Variants in TAF3 observed in about 807,000 individuals in gnomAD.
The protein encoded by TAF3 is TATA-box binding protein associated factor 3, also known as transcription initiation factor TFIID subunit 3.
In TAF3, 7 loss-of-function variants were observed where a neutral mutation model predicts 80.6. That is an observed-to-expected ratio of 0.09 (90% CI 0.05 to 0.16). The LOEUF is 0.16. Among genes scored for constraint, TAF3 ranks in the 10% least tolerant of loss-of-function variants. TAF3 has a pLI of 1.00. For synonymous variants in TAF3, 444 were observed against 446.1 expected, an observed-to-expected ratio of 1.00 and a Z score of 0.06; for missense variants, 921 against 1,140.2, an observed-to-expected ratio of 0.81 and a Z score of 2.77.
chr10:7,975,103 A>C (rs1831659125), intron 3 of TAF3: 1 of 298,666 alleles, frequency 3.3e-6, no homozygotes, highest in South Asian at 2.9e-5. Context: ...GAGTGAGATG[A>C]AAATAATTCG....
At chr10:7,945,938 C>T (rs185272752) in intron 2 of TAF3, among the ~76,000 whole-genome samples, 34 of 152,256 alleles carry the variant, frequency 2.2e-4, no homozygotes, top group Admixed American at 1.6e-3. Context: ...TGTTAACCTC[C>T]GCATTGCCAG....
intron 2 of TAF3, among the ~76,000 whole-genome samples, chr10:7,861,665 C>T (rs1019171929): frequency 9.9e-5 from 15 of 152,022 alleles, no homozygotes; most frequent in East Asian, 3.9e-4. Flanking sequence ...AGAAGTCAGA[C>T]GTCATTTGTC....
At chr10:7,946,002 C>G (rs1037287623) in intron 2 of TAF3, among the ~76,000 whole-genome samples, 2 of 152,196 alleles carry the variant, frequency 1.3e-5, no homozygotes, top group Non-Finnish European at 2.9e-5. Flanking sequence ...ATGAGATTGC[C>G]TTGACCTTGT....
At chr10:7,983,576 C>G (rs973408277) in intron 4 of TAF3, among the ~76,000 whole-genome samples, 8 of 152,106 alleles carry the variant, frequency 5.3e-5, no homozygotes, top group African/African-American at 1.9e-4. Flanking sequence ...AAAACAACAA[C>G]AACAACACAA....
chr10:7,823,875 C>T (rs992419251), intron 1 of TAF3, among the ~76,000 whole-genome samples: 1 of 151,596 alleles, frequency 6.6e-6, no homozygotes, highest in Admixed American at 6.6e-5. Flanking sequence ...CCTTGTGATC[C>T]GCCCACCTCG....
chr10:7,958,954 A>G lies in TAF3; in HGVS notation c.410-4966A>G, dbSNP rs367879499. The stretch of plus-strand genomic sequence containing the variant: ...TCGAGACCATCCTGGCTAACATGGT[A>G]AAACCCCGTCTCTACTAAAAATACA... On this transcript the variant is annotated intron_variant, in intron 2 of 6. Coordinates refer to ENST00000344293, the MANE Select transcript of TAF3 (RefSeq NM_031923.4). 7.9e-5 allele frequency among the ~76,000 whole-genome samples: 12 copies of G among 152,218 alleles called. No homozygotes were observed. The East Asian group carries it at 1.5e-3, about 20-fold the overall frequency.
intron 2 of TAF3, among the ~76,000 whole-genome samples, chr10:7,850,007 T>C (rs1194659511): frequency 6.6e-6 from 1 of 151,986 alleles, no homozygotes; most frequent in Non-Finnish European, 1.5e-5. Flanking sequence ...TGTTAAAAAA[T>C]AGGGAATATT....
chr10:7,978,703 A>G (rs1316713257), intron 4 of TAF3, among the ~76,000 whole-genome samples: 2 of 152,198 alleles, frequency 1.3e-5, no homozygotes, highest in South Asian at 2.1e-4. Context: ...TCTCCATGCA[A>G]ATTCTGCATA....
At chr10:7,883,903 C>T (rs747369084) in intron 2 of TAF3, among the ~76,000 whole-genome samples, 4 of 152,128 alleles carry the variant, frequency 2.6e-5, no homozygotes, top group Non-Finnish European at 4.4e-5. Context: ...TTCTTGCTGG[C>T]GGGGAGAGGG....
At chr10:7,894,816 T>G (rs183092551) in intron 2 of TAF3, among the ~76,000 whole-genome samples, 2 of 152,286 alleles carry the variant, frequency 1.3e-5, no homozygotes, top group African/African-American at 4.8e-5. Flanking sequence ...TGAAGATGCC[T>G]CCAACTTTTG....
intron 4 of TAF3, among the ~76,000 whole-genome samples, chr10:7,997,368 A>G (rs1056048661): frequency 2.6e-5 from 4 of 152,254 alleles, no homozygotes; most frequent in African/African-American, 4.8e-5. Flanking sequence ...TGCACACAAT[A>G]GCTGAATAAT....
intron 2 of TAF3, among the ~76,000 whole-genome samples, chr10:7,908,238 T>C (rs1837623689): frequency 6.6e-6 from 1 of 152,180 alleles, no homozygotes; most frequent in African/African-American, 2.4e-5. Flanking sequence ...TCAGAGGGCC[T>C]AGTGGTGGGG....
intron 3 of TAF3, among the ~76,000 whole-genome samples, chr10:7,967,878 C>T (rs1356014519): frequency 6.6e-6 from 1 of 152,120 alleles, no homozygotes; most frequent in Non-Finnish European, 1.5e-5. Flanking sequence ...TATTCTACTT[C>T]CTTGGCATTC....
At chr10:7,953,746 T>C (rs1314688721) in intron 2 of TAF3, among the ~76,000 whole-genome samples, 2 of 152,208 alleles carry the variant, frequency 1.3e-5, no homozygotes, top group African/African-American at 2.4e-5. Context: ...ACACAGAACT[T>C]TCCATAGTGA....
intron 2 of TAF3, among the ~76,000 whole-genome samples, chr10:7,912,889 G>GT (rs1261818663): frequency 2.6e-5 from 4 of 152,086 alleles, no homozygotes; most frequent in African/African-American, 7.2e-5. Flanking sequence ...CACCTGTTAG[G>GT]TTTTTTGTCG....
chr10:7,944,137 TGTG>T (rs1437972954), intron 2 of TAF3, among the ~76,000 whole-genome samples: 4 of 109,004 alleles, frequency 3.7e-5, no homozygotes, highest in African/African-American at 1.1e-4. Flanking sequence ...GTGTGTGTGT[TGTG>T]GGGGGGAGGG....
intron 2 of TAF3, among the ~76,000 whole-genome samples, chr10:7,836,179 A>G (rs1836850176): frequency 6.6e-6 from 1 of 152,110 alleles, no homozygotes. Context: ...TCCTACTCTC[A>G]TAGTTTGAAC....
intron 2 of TAF3, 76 bp from the exon 3 acceptor site, chr10:7,963,844 G>T (rs1201978037): frequency 1.5e-5 from 19 of 1,306,830 alleles, no homozygotes; most frequent in Non-Finnish European, 1.7e-5. Context: ...CATATTTGAA[G>T]CATTGTTTTT....
chr10:7,868,149 A>C (rs1004038379), intron 2 of TAF3, among the ~76,000 whole-genome samples: 6 of 152,142 alleles, frequency 3.9e-5, no homozygotes, highest in African/African-American at 1.4e-4. Flanking sequence ...TGTAGTTCAA[A>C]GCCATGTTGT....
Sources: gnomAD v4.1 joint callset for allele counts (sites outside exome capture counted in the v4.1 genomes callset) on GRCh38, gnomAD v4.1.1 for gene constraint, MANE v1.5 for transcripts, NCBI Gene and HGNC (gene_info 2026-07-23, HGNC 2026-07-21) for gene names.